GNG4: variants seen among roughly 807,000 people sequenced by gnomAD.
GNG4 encodes the protein G protein subunit gamma 4, also known as guanine nucleotide-binding protein G(I)/G(S)/G(O) subunit gamma-4.
Under a neutral mutation model 5.8 loss-of-function variants are expected in GNG4, and 4 were observed. The ratio of observed to expected loss-of-function variants is 0.69; its 90% CI spans 0.34 to 1.57. GNG4 has a LOEUF of 1.57. GNG4 is among the 40% of genes most tolerant of loss of function. The probability of loss-of-function intolerance (pLI) is 0.06; values close to 1 mark genes in which losing one functional copy is unlikely to be tolerated. For missense variants in GNG4, 96 were observed against 95.1 expected (o/e 1.01, Z -0.04); for synonymous variants, 29 against 32.9 (o/e 0.88, Z 0.41).
intron 1 of GNG4, chr1:235,615,772 C>T: frequency 4.0e-6 from 1 of 251,928 alleles, no homozygotes; most frequent in East Asian, 1.2e-4. Flanking sequence ...GGAGAAGCTG[C>T]AGAATGGGGA....
At chr1:235,592,190 C>CT (rs888639422) in intron 2 of GNG4, among the ~76,000 whole-genome samples, 3 of 152,164 alleles carry the variant, frequency 2.0e-5, no homozygotes, top group African/African-American at 7.2e-5. Context: ...GGACTCAACT[C>CT]TGACTGCTGC....
intron 2 of GNG4, among the ~76,000 whole-genome samples, chr1:235,585,342 C>G (rs751641563): frequency 6.6e-6 from 1 of 152,088 alleles, no homozygotes; most frequent in Non-Finnish European, 1.5e-5. Flanking sequence ...TGGGCTCAAG[C>G]GATCCTCCTG....
chr1:235,558,209 A>C (rs1221845287), intron 3 of GNG4, among the ~76,000 whole-genome samples: 2 of 149,870 alleles, frequency 1.3e-5, no homozygotes, highest in Non-Finnish European at 3.0e-5. Context: ...GTGAAACATT[A>C]ATTTCCTAGG....
intron 2 of GNG4, among the ~76,000 whole-genome samples, chr1:235,592,896 G>C (rs577114937): frequency 6.6e-6 from 1 of 151,730 alleles, no homozygotes; most frequent in Non-Finnish European, 1.5e-5. Context: ...CCTCGGTGTG[G>C]ATATCTGGTC....
chr1:235,557,940 A>G (rs774616194), intron 3 of GNG4, among the ~76,000 whole-genome samples: 3 of 152,140 alleles, frequency 2.0e-5, no homozygotes, highest in Non-Finnish European at 4.4e-5. Context: ...CTCACCTAGG[A>G]ATTTTTCTCT....
chr1:235,596,225 C>A (rs1196301071), intron 1 of GNG4, among the ~76,000 whole-genome samples: 2 of 149,328 alleles, frequency 1.3e-5, no homozygotes, highest in African/African-American at 2.5e-5. Flanking sequence ...CACACACACA[C>A]ACACACACAC....
At chr1:235,559,806 T>C (rs931121333) in intron 3 of GNG4, among the ~76,000 whole-genome samples, 4 of 152,222 alleles carry the variant, frequency 2.6e-5, no homozygotes, top group African/African-American at 9.6e-5. Flanking sequence ...CAGCATAGGC[T>C]TTTTTTCCAC....
At chr1:235,603,369 C>G (rs936944266) in intron 1 of GNG4, among the ~76,000 whole-genome samples, 2 of 152,040 alleles carry the variant, frequency 1.3e-5, no homozygotes, top group Admixed American at 1.3e-4. Flanking sequence ...TATCTGTACA[C>G]GTGGATGTGT....
At chr1:235,579,795 G>C (rs183690854) in intron 3 of GNG4, among the ~76,000 whole-genome samples, 1 of 141,498 alleles carries the variant, frequency 7.1e-6, no homozygotes, top group Non-Finnish European at 1.5e-5. Context: ...AGGTTGCAGT[G>C]AGCTGAGATC....
intron 2 of GNG4, among the ~76,000 whole-genome samples, chr1:235,589,807 A>G (rs1033509221): frequency 2.6e-5 from 4 of 152,188 alleles, no homozygotes; most frequent in Admixed American, 1.3e-4. Context: ...TCACTAGTCT[A>G]GTGGAGAAAA....
At position 235,608,518 on chromosome 1, in the gene GNG4, G is replaced by A. The variant is rs569056872; in HGVS notation, c.-122-13007C>T. Among the ~76,000 whole-genome samples, 92 of 152,136 alleles carry A rather than the reference G, an allele frequency of 6.0e-4. 2 individuals are homozygous for A. The South Asian group carries it at 0.01, about 17-fold the overall frequency. ...CCATTAAGCAGTTCTCCATTAAGCA[G>A]TTCTCTTCACTTCCCGCTCCTCCCA... On this transcript the variant is annotated intron_variant, in intron 1 of 3. Transcript: ENST00000391854.
rs567630852 is a variant in GNG4, at chr1:235,609,135, C to CT, written c.-122-13625dup. ...GGCATGAGCCACCGCACCTGGCCAGCTTTTTTCACTTAGTGTAATGTTTTC... is the reference window on the plus strand; with the variant it reads ...GGCATGAGCCACCGCACCTGGCCAGCTTTTTTTCACTTAGTGTAATGTTTTC... On this transcript the variant is annotated intron_variant, in intron 1 of 3. Transcript: ENST00000391854. Among the ~76,000 whole-genome samples, 9 of 152,254 alleles carry CT rather than the reference C, an allele frequency of 5.9e-5. No homozygotes were observed. The South Asian group carries it at 1.4e-3, about 25-fold the overall frequency.
intron 3 of GNG4, among the ~76,000 whole-genome samples, chr1:235,560,054 T>C (rs999038146): frequency 2.6e-5 from 4 of 152,224 alleles, no homozygotes; most frequent in African/African-American, 7.2e-5. Flanking sequence ...GTTTTGATAT[T>C]TCCCAAATTT....
rs1430314439 is a variant in GNG4, at chr1:235,597,596, G to C, written c.-122-2085C>G. ...TTTTTTTAACTTGTTTGCTGTGTGTGTGTGTGTGTGTGTGTGTGTGTGTGT... is the reference window on the plus strand; with the variant it reads ...TTTTTTTAACTTGTTTGCTGTGTGTCTGTGTGTGTGTGTGTGTGTGTGTGT... On this transcript the variant is annotated intron_variant, in intron 1 of 3. Transcript: ENST00000391854. Among the ~76,000 whole-genome samples, 96 of 83,192 alleles carry C rather than the reference G, an allele frequency of 1.2e-3. 4 individuals carry two copies. The highest frequency in any genetic ancestry group is 1.9e-3 in the African/African-American group (39 of 20,266). 54.6% of individuals were successfully genotyped at this position (83,192 alleles called of 152,430 possible).
chr1:235,584,416 A>G (rs1010934725), intron 2 of GNG4, among the ~76,000 whole-genome samples: 1 of 152,216 alleles, frequency 6.6e-6, no homozygotes, highest in African/African-American at 2.4e-5. Context: ...TCTATGGCTC[A>G]TAACACACAT....
chr1:235,576,846 C>G (rs7527660), intron 3 of GNG4, among the ~76,000 whole-genome samples: 4,199 of 152,194 alleles, frequency 0.028, 196 homozygotes, highest in African/African-American at 0.095. Flanking sequence ...ATGCCTCAAT[C>G]TATATCCCCT....
chr1:235,555,482 G>A lies in GNG4; in HGVS notation c.100-3245C>T, dbSNP rs144827989. 1.1e-3 allele frequency among the ~76,000 whole-genome samples: 161 copies of A among 151,984 alleles called. 2 individuals are homozygous for A. The highest frequency in any genetic ancestry group is 3.5e-3 in the African/African-American group (144 of 41,456). On this transcript the variant is annotated intron_variant, in intron 3 of 3. Coordinates refer to ENST00000391854, the MANE Select transcript of GNG4 (RefSeq NM_001098722.2). Reference sequence around the variant, plus strand: ...GTCATTTAATTCTTCTTATACGTACGACTCTAGCCTGGGCAACATAACAAG... The same window carrying A: ...GTCATTTAATTCTTCTTATACGTACAACTCTAGCCTGGGCAACATAACAAG...
In GNG4 at chr1:235,557,449, T is replaced by TC. The variant is rs1490775385; in HGVS notation, c.100-5213dup. Among the ~76,000 whole-genome samples the TC allele has an allele frequency of 4.0e-5, 6 of 151,466 alleles. No homozygotes were observed. In the East Asian group the frequency reaches 7.7e-4, roughly 20 times the overall value. On this transcript the variant is annotated intron_variant, in intron 3 of 3. Coordinates refer to ENST00000391854, the MANE Select transcript of GNG4 (RefSeq NM_001098722.2). ...GTCCTCAGCTGGGACTCACCCCCTTTCCCCCCGGCCCTGAGAAGTACAGGA... is the reference window on the plus strand; with the variant it reads ...GTCCTCAGCTGGGACTCACCCCCTTTCCCCCCCGGCCCTGAGAAGTACAGGA...
In GNG4 at chr1:235,644,323, C is replaced by A. The variant is rs1176983011; in HGVS notation, c.-123+5339G>T. ...CAGTGGCCGGCAACACTGCCAGTTC[C>A]CCTTTATTTCCCTTGAGGTCAACAT... is the stretch of plus-strand genomic sequence containing the variant. On this transcript the variant is annotated intron_variant, in intron 1 of 3. Transcript: ENST00000391854. The surrounding 1 kb of genome is among the most constrained non-coding windows in gnomAD (Gnocchi z 5.9). Among the ~76,000 whole-genome samples the A allele has an allele frequency of 1.3e-5, 2 of 152,218 alleles. No individual in the cohort carries two copies. Among genetic ancestry groups the A allele is most frequent in the African/African-American group, 4.8e-5 (2 of 41,454 alleles).
Sources: allele counts gnomAD v4.1 joint callset (sites outside exome capture counted in the v4.1 genomes callset), GRCh38; gene constraint gnomAD v4.1.1; non-coding constraint Gnocchi (gnomAD v3.1); transcripts MANE v1.5; gene names NCBI Gene and HGNC (gene_info 2026-07-23, HGNC 2026-07-21).